GPHN: variants seen among roughly 807,000 people sequenced by gnomAD.
GPHN encodes the protein gephyrin.
A neutral mutation model predicts 95.5 loss-of-function variants in GPHN; 17 were observed. The observed-to-expected ratio is 0.18, with a 90% CI of 0.12 to 0.27. The LOEUF (loss-of-function observed/expected upper bound fraction) is 0.27. Among genes scored for constraint, GPHN ranks in the 10% least tolerant of loss-of-function variants. GPHN has a pLI of 1.00. For missense variants in GPHN, 660 were observed against 978.1 expected, an observed-to-expected ratio of 0.67 and a Z score of 4.34; for synonymous variants, 320 against 322.5, an observed-to-expected ratio of 0.99 and a Z score of 0.08.
At chr14:67,253,410 TTTG>T in the GPHN span, among the ~76,000 whole-genome samples, 1 of 152,174 alleles carries the variant, frequency 6.6e-6, no homozygotes, top group African/African-American at 2.4e-5. Flanking sequence ...GAGAAAACAA[TTTG>T]TTGTCCTAAA....
chr14:66,936,889 CATT>C (rs2067158224), intron 8 of GPHN, among the ~76,000 whole-genome samples: 1 of 152,210 alleles, frequency 6.6e-6, no homozygotes, highest in African/African-American at 2.4e-5. Context: ...TCATTACTTA[CATT>C]ATTATTAGTT....
chr14:66,674,880 T>A (rs1356788731), intron 1 of GPHN, among the ~76,000 whole-genome samples: 1 of 152,210 alleles, frequency 6.6e-6, no homozygotes, highest in Admixed American at 6.5e-5. Context: ...TTTTTACTTT[T>A]TGAGGAACCT....
intron 1 of GPHN, among the ~76,000 whole-genome samples, chr14:66,596,837 G>A (rs1291251569): frequency 1.3e-5 from 2 of 152,328 alleles, no homozygotes; most frequent in Non-Finnish European, 2.9e-5. Context: ...TGGGCTGGGA[G>A]CTTCCACCTG....
intron 3 of GPHN, among the ~76,000 whole-genome samples, chr14:66,816,429 A>G (rs2874000): frequency 0.012 from 1,833 of 152,326 alleles, 19 homozygotes; most frequent in Non-Finnish European, 0.018. Flanking sequence ...GAAATACAAA[A>G]GAACTGAAAT....
the GPHN span, chr14:67,727,114 C>CA: frequency 6.2e-7 from 1 of 1,614,218 alleles, no homozygotes; most frequent in African/African-American, 1.3e-5. Context: ...AGAAGCGCTA[C>CA]AGCAGGGGTT....
intron 1 of GPHN, among the ~76,000 whole-genome samples, chr14:66,619,567 G>GT (rs1396628005): frequency 6.7e-6 from 1 of 150,152 alleles, no homozygotes; most frequent in Non-Finnish European, 1.5e-5. Flanking sequence ...ATGAAATTGA[G>GT]TTTTTTCCTT....
intron 10 of GPHN, among the ~76,000 whole-genome samples, chr14:67,046,083 T>C (rs1294461225): frequency 1.3e-5 from 2 of 152,004 alleles, no homozygotes; most frequent in Admixed American, 1.3e-4. Flanking sequence ...TCGATTTTTT[T>C]TTAAAGGAAG....
At chr14:67,046,030 G>A (rs1394576634) in intron 10 of GPHN, among the ~76,000 whole-genome samples, 1 of 151,978 alleles carries the variant, frequency 6.6e-6, no homozygotes, top group Admixed American at 6.6e-5. Flanking sequence ...TAAAATCTGG[G>A]TTTGCTTCTC....
chr14:66,845,858 T>TGG (rs2062311887), intron 4 of GPHN, among the ~76,000 whole-genome samples: 2 of 140,896 alleles, frequency 1.4e-5, no homozygotes, highest in Non-Finnish European at 3.3e-5. Context: ...TGTGTGTGTG[T>TGG]GTCTGTGTGC....
At chr14:67,628,454 T>C in the GPHN span, among the ~76,000 whole-genome samples, 1 of 152,224 alleles carries the variant, frequency 6.6e-6, no homozygotes, top group East Asian at 1.9e-4. Context: ...AAAAACTTAG[T>C]GATGTGCCTG....
chr14:67,434,394 C>CA, the GPHN span, among the ~76,000 whole-genome samples: 1 of 152,176 alleles, frequency 6.6e-6, no homozygotes, highest in Non-Finnish European at 1.5e-5. Flanking sequence ...GTCATTTCTA[C>CA]AAAGTGTTTG....
At chr14:66,965,504 T>C (rs2069260779) in intron 9 of GPHN, among the ~76,000 whole-genome samples, 179 bp downstream of exon 9, 1 of 152,202 alleles carries the variant, frequency 6.6e-6, no homozygotes. Context: ...AGGCCACTAG[T>C]AGGACAATAC....
the GPHN span, among the ~76,000 whole-genome samples, chr14:67,194,763 T>C: frequency 3.9e-5 from 6 of 152,178 alleles, no homozygotes; most frequent in Admixed American, 1.3e-4. Context: ...GTTCAAGTGA[T>C]TCTCCTGCCT....
chr14:66,960,110 T>A (rs1036946412), intron 8 of GPHN, among the ~76,000 whole-genome samples: 1 of 151,974 alleles, frequency 6.6e-6, no homozygotes. Context: ...TTTATTGAGA[T>A]TCCCAGTTGG....
intron 18 of GPHN, among the ~76,000 whole-genome samples, chr14:67,158,622 C>G (rs920332347): frequency 1.3e-5 from 2 of 152,034 alleles, no homozygotes; most frequent in Non-Finnish European, 2.9e-5. Flanking sequence ...TAGTAATAGA[C>G]CTAGGTTTTT....
rs564441904 is a variant in GPHN, at chr14:66,927,471, T to A, written c.828+3179T>A. Among the ~76,000 whole-genome samples, 11 of 152,316 alleles carry A rather than the reference T, an allele frequency of 7.2e-5. No homozygotes were observed. The South Asian group carries it at 2.3e-3, about 32-fold the overall frequency. ...TGGAGTCTTAGGTTTTTCCAAATAT[T>A]GTATCATCAGCAAACCAGGATAATT... On this transcript the variant is annotated intron_variant, in intron 8 of 22. Coordinates refer to ENST00000478722, the MANE Select transcript of GPHN (RefSeq NM_020806.5).
chr14:67,312,860 A>G, the GPHN span: 2 of 586,870 alleles, frequency 3.4e-6, no homozygotes, highest in Non-Finnish European at 5.6e-6. Flanking sequence ...TTGTACCTGC[A>G]GCGTAAGTAT....
chr14:67,225,064 C>T, the GPHN span: 1 of 1,472,522 alleles, frequency 6.8e-7, no homozygotes, highest in South Asian at 1.4e-5. Flanking sequence ...TTCTCACTTC[C>T]TCTCTATTGA....
At chr14:66,765,846 T>G (rs997674832) in intron 2 of GPHN, among the ~76,000 whole-genome samples, 3 of 152,220 alleles carry the variant, frequency 2.0e-5, no homozygotes, top group Admixed American at 6.5e-5. Context: ...TAGAATGAAA[T>G]ATATATCTGG....
Sources: allele counts gnomAD v4.1 joint callset (sites outside exome capture counted in the v4.1 genomes callset), GRCh38; gene constraint gnomAD v4.1.1; transcripts MANE v1.5; gene names NCBI Gene and HGNC (gene_info 2026-07-23, HGNC 2026-07-21).